RABGAP1L: variants seen among roughly 807,000 people sequenced by gnomAD.
The protein encoded by RABGAP1L is rab GTPase-activating protein 1-like.
RABGAP1L carries 63 observed loss-of-function variants against 137.7 expected under a neutral mutation model. That is an observed-to-expected ratio of 0.46 (90% CI 0.37 to 0.56). The LOEUF (loss-of-function observed/expected upper bound fraction) is 0.56. RABGAP1L is among the 20% of genes least tolerant of loss of function. The pLI is 0.00. For missense variants in RABGAP1L, 1,095 were observed against 1,244.0 expected (o/e 0.88, Z 1.80); for synonymous variants, 431 against 433.7 (o/e 0.99, Z 0.08).
intron 13 of RABGAP1L, among the ~76,000 whole-genome samples, chr1:174,440,809 G>A (rs1571825817): frequency 6.6e-6 from 1 of 151,978 alleles, no homozygotes. Context: ...CTGCCCGCCT[G>A]GGCCTTCCAA....
intron 13 of RABGAP1L, among the ~76,000 whole-genome samples, chr1:174,422,516 T>C (rs986312803): frequency 1.3e-5 from 2 of 152,190 alleles, no homozygotes; most frequent in African/African-American, 4.8e-5. Context: ...TCTAATTTTA[T>C]CCTTATAAAA....
Position 174,800,072 on chromosome 1 carries a change from C to T in RABGAP1L, c.2212-11760C>T, listed in dbSNP as rs989105932. On this transcript the variant is annotated intron_variant, in intron 18 of 25. Transcript: ENST00000681986. ...CTCCTGCATCACTCTTGGCCATTTT[C>T]TCGCATTCGATTGCTTTTGCCGTTT... The T allele has an allele frequency of 8.6e-6, 11 of 1,281,140 alleles. No homozygotes were observed. The African/African-American group carries it at 1.5e-4, about 18-fold the overall frequency. The allele number at this position is 1,281,140 out of a possible 1,614,324, so 79.4% of individuals were successfully genotyped here.
chr1:174,857,789 A>G (rs1342519209), intron 19 of RABGAP1L, among the ~76,000 whole-genome samples: 1 of 152,144 alleles, frequency 6.6e-6, no homozygotes, highest in Non-Finnish European at 1.5e-5. Flanking sequence ...GAGTGTGTGT[A>G]TTCTTGTTGT....
Position 174,989,940 on chromosome 1 carries a change from C to T in RABGAP1L, c.3095C>T (p.Ala1032Val), listed in dbSNP as rs1356621239. 7 of 1,549,684 alleles carry T rather than the reference C, an allele frequency of 4.5e-6. No individual in the cohort carries two copies. The highest frequency in any genetic ancestry group is 6.1e-6 in the Non-Finnish European group (7 of 1,146,124). The change falls in exon 26 of 26, where the codon GCC becomes GTC. Residue 1032 changes from alanine to valine, a missense_variant. Physicochemically the swap from Ala to Val is moderately conservative, Grantham distance 64. Transcript: ENST00000681986. Reference protein sequence around the residue: ...FSKTLNSIKTATGTQPLQPAP... With the variant: ...FSKTLNSIKTVTGTQPLQPAP... ...AAAACCCTGAACTCTATCAAAACGG[C>T]CACGGGCACCCAGCCATTGCAGCCA... is the stretch of plus-strand genomic sequence containing the variant.
Position 174,724,797 on chromosome 1 carries a change from C to A in RABGAP1L, c.2169+22541C>A, listed in dbSNP as rs143026787. ...TATGAAGGGAAACTACAAGTTACTT[C>A]AAGATTTGGTAACAAGGAAATCTAT... On this transcript the variant is annotated intron_variant, in intron 17 of 25. Coordinates refer to ENST00000681986, the MANE Select transcript of RABGAP1L (RefSeq NM_001366446.1). 4.2e-3 allele frequency among the ~76,000 whole-genome samples: 641 copies of A among 152,226 alleles called. 4 individuals are homozygous for A. The highest frequency in any genetic ancestry group is 0.013 in the African/African-American group (555 of 41,528).
intron 13 of RABGAP1L, among the ~76,000 whole-genome samples, chr1:174,474,888 A>G (rs1571968076): frequency 6.6e-6 from 1 of 152,236 alleles, no homozygotes; most frequent in South Asian, 2.1e-4. Flanking sequence ...GGCGTGAGCC[A>G]CTGCGCCTGG....
chr1:174,332,347 G>A (rs1681099717), intron 11 of RABGAP1L, among the ~76,000 whole-genome samples: 1 of 151,544 alleles, frequency 6.6e-6, no homozygotes, highest in South Asian at 2.1e-4. Context: ...CTTCAGTGTT[G>A]TTTATACTCT....
intron 15 of RABGAP1L, among the ~76,000 whole-genome samples, chr1:174,697,440 C>G (rs1410020419): frequency 6.6e-6 from 1 of 152,084 alleles, no homozygotes; most frequent in East Asian, 1.9e-4. Flanking sequence ...CCTGCCTCAG[C>G]TTCCCCAGTA....
chr1:174,379,126 G>T (rs932755122), intron 12 of RABGAP1L, among the ~76,000 whole-genome samples: 3 of 147,094 alleles, frequency 2.0e-5, no homozygotes, highest in Middle Eastern at 3.4e-3. Context: ...TGAGGGCTCT[G>T]TTCTGTTCCA....
intron 19 of RABGAP1L, among the ~76,000 whole-genome samples, chr1:174,886,786 T>A (rs927305209): frequency 7.2e-5 from 11 of 151,796 alleles, no homozygotes; most frequent in Non-Finnish European, 1.0e-4. Context: ...TTACATTTTT[T>A]ATGGCAGCAT....
intron 14 of RABGAP1L, among the ~76,000 whole-genome samples, chr1:174,639,358 T>C (rs1016206819): frequency 3.3e-5 from 5 of 152,236 alleles, no homozygotes; most frequent in East Asian, 1.9e-4. Context: ...CCAAAGACCA[T>C]TGGATGCCAC....
intron 13 of RABGAP1L, among the ~76,000 whole-genome samples, chr1:174,634,024 A>C (rs1251673912): frequency 9.2e-6 from 1 of 108,284 alleles, no homozygotes; most frequent in African/African-American, 4.1e-5. Flanking sequence ...AAAAGACAAA[A>C]TTGACAAATG....
At chr1:174,863,197 A>G (rs1022054252) in intron 19 of RABGAP1L, among the ~76,000 whole-genome samples, 20 of 138,602 alleles carry the variant, frequency 1.4e-4, no homozygotes, top group African/African-American at 5.1e-4. Flanking sequence ...CCTGGCCTGC[A>G]TTTTTATAAT....
intron 10 of RABGAP1L, among the ~76,000 whole-genome samples, chr1:174,282,993 T>G (rs1675710794): frequency 6.6e-6 from 1 of 152,242 alleles, no homozygotes; most frequent in Non-Finnish European, 1.5e-5. Context: ...AACTTTATAT[T>G]ATGTATTAAA....
At chr1:174,377,369 G>C (rs543865664) in intron 12 of RABGAP1L, among the ~76,000 whole-genome samples, 1 of 152,050 alleles carries the variant, frequency 6.6e-6, no homozygotes, top group Admixed American at 6.6e-5. Flanking sequence ...AATTTATATA[G>C]GAAGCAGAGT....
chr1:174,601,346 G>A (rs564210256), intron 13 of RABGAP1L, among the ~76,000 whole-genome samples: 107 of 152,278 alleles, frequency 7.0e-4, no homozygotes, highest in Middle Eastern at 3.4e-3. Context: ...TAGGCTCCTT[G>A]CTACTTATGC....
At chr1:174,260,102 G>T (rs1432308748) in intron 7 of RABGAP1L, among the ~76,000 whole-genome samples, 1 of 152,042 alleles carries the variant, frequency 6.6e-6, no homozygotes. Context: ...CAAAGTGCTG[G>T]GATTACAGGT....
intron 13 of RABGAP1L, among the ~76,000 whole-genome samples, chr1:174,470,008 A>G (rs958996590): frequency 2.6e-5 from 4 of 152,132 alleles, no homozygotes; most frequent in African/African-American, 9.7e-5. Context: ...CTCTGGTACT[A>G]TGAGAATTTC....
chr1:174,479,530 A>G (rs1366999939), intron 13 of RABGAP1L, among the ~76,000 whole-genome samples: 1 of 152,210 alleles, frequency 6.6e-6, no homozygotes, highest in Non-Finnish European at 1.5e-5. Flanking sequence ...ATTGCTATAG[A>G]AATTCATGGT....
Sources: allele counts gnomAD v4.1 joint callset (sites outside exome capture counted in the v4.1 genomes callset), GRCh38; gene constraint gnomAD v4.1.1; transcripts MANE v1.5; gene names NCBI Gene and HGNC (gene_info 2026-07-23, HGNC 2026-07-21).